GSG1L: variants seen among roughly 807,000 people sequenced by gnomAD.
GSG1L encodes GSG1 like.
A neutral mutation model predicts 42.1 loss-of-function variants in GSG1L; 24 were observed. The observed-to-expected ratio is 0.57, with a 90% CI of 0.41 to 0.80. GSG1L has a LOEUF of 0.80. GSG1L is among the 30% of genes least tolerant of loss of function. The pLI, the probability that GSG1L is intolerant of heterozygous loss-of-function variation, is 0.00. For synonymous variants in GSG1L, 215 were observed against 203.5 expected (o/e 1.06, Z -0.48); for missense variants, 445 against 472.2 (o/e 0.94, Z 0.53).
rs560298385 is a variant in GSG1L, at chr16:27,795,498, G to T, written c.899-4031C>A. Among the ~76,000 whole-genome samples the T allele has an allele frequency of 5.3e-5, 8 of 152,320 alleles. 1 individual carries two copies. The South Asian group carries it at 1.4e-3, about 28-fold the overall frequency. ...AATGGATGAAAGCTACAAAGGAGTT[G>T]GCAGGCCCAGCAGGCACCCTGCAGA... On this transcript the variant is annotated intron_variant, in intron 6 of 6. Transcript: ENST00000447459.
chr16:28,024,321 G>A (rs554085603), intron 1 of GSG1L, among the ~76,000 whole-genome samples: 2 of 152,288 alleles, frequency 1.3e-5, no homozygotes, highest in South Asian at 2.1e-4. Flanking sequence ...AAATTAGCTC[G>A]AAATGGAATC....
At chr16:27,849,194 T>TTCCCC (rs1555503872) in intron 3 of GSG1L, among the ~76,000 whole-genome samples, 1 of 45,068 alleles carries the variant, frequency 2.2e-5, no homozygotes, top group Non-Finnish European at 3.7e-5. Flanking sequence ...TGAGCCTCTA[T>TTCCCC]CCCAAAAAGA....
At chr16:27,852,944 G>A (rs1214194950) in intron 3 of GSG1L, among the ~76,000 whole-genome samples, 4 of 152,208 alleles carry the variant, frequency 2.6e-5, no homozygotes, top group East Asian at 1.9e-4. Context: ...CGCTGAGACC[G>A]CTTACTTCCC....
intron 2 of GSG1L, among the ~76,000 whole-genome samples, chr16:27,961,241 C>T (rs1332492191): frequency 6.6e-6 from 1 of 152,240 alleles, no homozygotes; most frequent in African/African-American, 2.4e-5. Context: ...GCAGCAGCCA[C>T]TCATGCACAT....
chr16:27,805,794 T>G (rs1428688436), intron 6 of GSG1L, among the ~76,000 whole-genome samples: 6 of 98,514 alleles, frequency 6.1e-5, no homozygotes, highest in African/African-American at 8.3e-5. Flanking sequence ...GGGGGTGGGT[T>G]GGAGGGGTTT....
At chr16:27,849,026 T>A (rs2083474708) in intron 3 of GSG1L, among the ~76,000 whole-genome samples, 1 of 151,878 alleles carries the variant, frequency 6.6e-6, no homozygotes, top group Non-Finnish European at 1.5e-5. Context: ...CAAAACCCTA[T>A]CTCTACTAAA....
chr16:27,828,594 C>T (rs1469426420), intron 5 of GSG1L, among the ~76,000 whole-genome samples, 195 bp downstream of exon 5: 2 of 152,202 alleles, frequency 1.3e-5, no homozygotes, highest in Admixed American at 1.3e-4. Context: ...AACCTCATGA[C>T]CTATAAAACA....
chr16:27,869,847 C>CT (rs2083789940), intron 3 of GSG1L, among the ~76,000 whole-genome samples: 1 of 143,286 alleles, frequency 7.0e-6, no homozygotes, highest in Non-Finnish European at 1.5e-5. Flanking sequence ...ATCTCTCTCT[C>CT]CATCTCTCTC....
At chr16:27,892,401 A>G (rs2084140257) in intron 2 of GSG1L, among the ~76,000 whole-genome samples, 1 of 152,040 alleles carries the variant, frequency 6.6e-6, no homozygotes, top group Non-Finnish European at 1.5e-5. Context: ...GGCTGCAATT[A>G]GCTACGATCC....
chr16:27,928,974 T>TGCAG (rs2084627546), intron 2 of GSG1L, among the ~76,000 whole-genome samples: 1 of 152,236 alleles, frequency 6.6e-6, no homozygotes, highest in Non-Finnish European at 1.5e-5. Context: ...GGGAAAGCAG[T>TGCAG]GGTTCTCAGC....
intron 3 of GSG1L, among the ~76,000 whole-genome samples, chr16:27,873,338 T>G (rs922476673): frequency 2.0e-5 from 3 of 152,222 alleles, no homozygotes; most frequent in Non-Finnish European, 4.4e-5. Context: ...CCTGCCAGCC[T>G]GCATATGTGT....
intron 1 of GSG1L, among the ~76,000 whole-genome samples, chr16:27,975,279 G>A (rs1387045531): frequency 2.6e-5 from 4 of 151,970 alleles, no homozygotes; most frequent in African/African-American, 7.3e-5. Flanking sequence ...GCCTCCTGTT[G>A]GCCAAAACCA....
intron 5 of GSG1L, among the ~76,000 whole-genome samples, chr16:27,817,142 C>G (rs566653431): frequency 3.9e-5 from 6 of 152,198 alleles, no homozygotes; most frequent in African/African-American, 1.4e-4. Flanking sequence ...CACTAGGAGG[C>G]CACACTGTAC....
chr16:27,899,682 A>C (rs762958640), intron 2 of GSG1L, among the ~76,000 whole-genome samples: 4 of 152,084 alleles, frequency 2.6e-5, no homozygotes, highest in African/African-American at 9.7e-5. Context: ...GTACCACTGC[A>C]CTCCAGCCAG....
intron 2 of GSG1L, among the ~76,000 whole-genome samples, chr16:27,917,774 C>G (rs1209273921): frequency 6.6e-6 from 1 of 152,188 alleles, no homozygotes; most frequent in African/African-American, 2.4e-5. Flanking sequence ...CAGGCATAAA[C>G]AGAAGAATAA....
chr16:27,844,983 C>T lies in GSG1L; in HGVS notation c.629G>A (p.Arg210Lys). The change falls in exon 4 of 7, where the codon AGA becomes AAA. Residue 210 changes from arginine (R) to lysine (K), a missense_variant. Physicochemically the swap from Arg to Lys is conservative, Grantham distance 26. This residue lies in a region of GSG1L where 149 missense variants were observed against 223.3 expected (regional missense o/e 0.67). Transcript: ENST00000447459. ...VTVSLGPEDWRPHSWDYGWSF... is the reference protein window; with the variant it reads ...VTVSLGPEDWKPHSWDYGWSF... ...CCACCCGTAGTCCCAGGAATGGGGT[C>T]TCCAGTCCTCAGGACCGAGGCTCAC... 6.2e-7 allele frequency: 1 copy of T among 1,613,596 alleles called. No individual in the cohort carries two copies. Among genetic ancestry groups the T allele is most frequent in the South Asian group, 1.1e-5 (1 of 90,978 alleles).
intron 2 of GSG1L, among the ~76,000 whole-genome samples, chr16:27,953,929 T>G (rs2084978003): frequency 1.3e-5 from 2 of 152,164 alleles, no homozygotes; most frequent in South Asian, 4.1e-4. Context: ...ACTGAACTTG[T>G]CAAATAATTG....
intron 3 of GSG1L, among the ~76,000 whole-genome samples, chr16:27,874,620 G>C (rs2083864736): frequency 6.6e-6 from 1 of 151,836 alleles, no homozygotes; most frequent in Non-Finnish European, 1.5e-5. Flanking sequence ...CAGCTAACAG[G>C]CAAGCTTCCT....
chr16:27,794,774 C>T (rs569599079), intron 6 of GSG1L, among the ~76,000 whole-genome samples: 1 of 152,312 alleles, frequency 6.6e-6, no homozygotes, highest in African/African-American at 2.4e-5. Context: ...CCACGAGAGG[C>T]AGATCCCAGC....
Sources: gnomAD v4.1 joint callset for allele counts (sites outside exome capture counted in the v4.1 genomes callset) on GRCh38, gnomAD v4.1.1 for gene constraint, gnomAD v4.1.1 regional missense constraint, MANE v1.5 for transcripts, NCBI Gene and HGNC (gene_info 2026-07-23, HGNC 2026-07-21) for gene names.